The following SUSD6 variants were observed in gnomAD, a reference collection of about 807,000 sequenced individuals.
The protein encoded by SUSD6 is sushi domain-containing protein 6.
In SUSD6, 16 loss-of-function variants were observed where a neutral mutation model predicts 28.4. The ratio of observed to expected loss-of-function variants is 0.56; its 90% CI spans 0.38 to 0.86. The LOEUF (loss-of-function observed/expected upper bound fraction) is 0.86. Among genes scored for constraint, SUSD6 ranks in the 40% least tolerant of loss-of-function variants. The probability of loss-of-function intolerance (pLI) is 0.00; values close to 1 mark genes in which losing one functional copy is unlikely to be tolerated. For synonymous variants in SUSD6, 147 were observed against 159.6 expected (o/e 0.92, Z 0.59); for missense variants, 341 against 384.2 (o/e 0.89, Z 0.94).
At position 69,658,524 on chromosome 14, in the gene SUSD6, C is replaced by G. The variant is rs188576160; in HGVS notation, c.-69C>G. ...TTTGTTTGTTACAGGTGAATCAGCTCCCGGCCGACTTTAGGATTCTTCTGG... is the reference window on the plus strand; with the variant it reads ...TTTGTTTGTTACAGGTGAATCAGCTGCCGGCCGACTTTAGGATTCTTCTGG... On this transcript the variant is annotated 5_prime_UTR_variant, in exon 2 of 6. Transcript: ENST00000342745. 2,667 of 1,551,374 alleles carry G rather than the reference C, an allele frequency of 1.7e-3. 6 individuals are homozygous for G. Among genetic ancestry groups the G allele is most frequent in the Admixed American group, 5.8e-3 (323 of 55,878 alleles).
intron 4 of SUSD6, among the ~76,000 whole-genome samples, chr14:69,707,785 G>A (rs995377742): frequency 1.3e-5 from 2 of 152,112 alleles, no homozygotes; most frequent in African/African-American, 2.4e-5. Context: ...AAAAATATAT[G>A]CAAAACTAAA....
intron 4 of SUSD6, among the ~76,000 whole-genome samples, chr14:69,706,196 T>C (rs1886384603): frequency 6.6e-6 from 1 of 152,230 alleles, no homozygotes; most frequent in African/African-American, 2.4e-5. Context: ...GGGGATTGTT[T>C]ACTTGAAATG....
chr14:69,618,253 C>G (rs1252741129), intron 1 of SUSD6, among the ~76,000 whole-genome samples: 1 of 152,186 alleles, frequency 6.6e-6, no homozygotes, highest in African/African-American at 2.4e-5. Flanking sequence ...TACCTTCAGT[C>G]TATGTGTATT....
At chr14:69,612,731 T>A (rs1265443952) in intron 1 of SUSD6, among the ~76,000 whole-genome samples, 2 of 152,212 alleles carry the variant, frequency 1.3e-5, no homozygotes, top group Non-Finnish European at 2.9e-5. Flanking sequence ...GGCGACATGC[T>A]GGGCTTTGTT....
intron 2 of SUSD6, among the ~76,000 whole-genome samples, chr14:69,679,662 G>C (rs1245711569): frequency 1.3e-5 from 2 of 151,424 alleles, no homozygotes; most frequent in Admixed American, 1.3e-4. Context: ...CTTTCAATGT[G>C]GCCCAGGGAA....
chr14:69,688,806 G>A (rs1886112335), intron 2 of SUSD6, among the ~76,000 whole-genome samples: 1 of 152,162 alleles, frequency 6.6e-6, no homozygotes, highest in Non-Finnish European at 1.5e-5. Flanking sequence ...GTACTATTTA[G>A]CAGGCTTTCA....
At chr14:69,626,319 C>T (rs1204231766) in intron 1 of SUSD6, among the ~76,000 whole-genome samples, 1 of 152,120 alleles carries the variant, frequency 6.6e-6, no homozygotes, top group African/African-American at 2.4e-5. Flanking sequence ...CTGCTCTCTT[C>T]CTGCTGCACA....
intron 1 of SUSD6, among the ~76,000 whole-genome samples, chr14:69,622,168 G>A (rs1433507269): frequency 2.6e-5 from 4 of 151,936 alleles, no homozygotes; most frequent in Admixed American, 1.3e-4. Context: ...TGGCTTTTTT[G>A]TTTGTTTGTT....
At chr14:69,632,289 T>C (rs893176157) in intron 1 of SUSD6, among the ~76,000 whole-genome samples, 1 of 152,096 alleles carries the variant, frequency 6.6e-6, no homozygotes, top group African/African-American at 2.4e-5. Context: ...GGGGTCAGGC[T>C]TCAGAGGGAG....
chr14:69,697,011 A>G (rs1566606237), intron 2 of SUSD6, among the ~76,000 whole-genome samples: 1 of 152,216 alleles, frequency 6.6e-6, no homozygotes, highest in Non-Finnish European at 1.5e-5. Context: ...TCTTGATTAT[A>G]TGCTAAACAA....
chr14:69,636,599 C>T (rs1352767442), intron 1 of SUSD6, among the ~76,000 whole-genome samples: 1 of 152,242 alleles, frequency 6.6e-6, no homozygotes, highest in Non-Finnish European at 1.5e-5. Flanking sequence ...CAGAGCCTAT[C>T]TCCGGTACTG....
chr14:69,715,112 T>C lies in SUSD6; in HGVS notation c.*4133T>C, dbSNP rs193051007. 5 of 152,324 alleles carry C rather than the reference T, an allele frequency of 3.3e-5. No homozygotes were observed. In the East Asian group the frequency reaches 9.6e-4, roughly 29 times the overall value. 9.4% of individuals were successfully genotyped at this position (152,324 alleles called of 1,614,324 possible). ...TGTTCTATGTATATAACTGCATTTC[T>C]AAATAATTAAAAAAAAGTTCTTATG... is the stretch of plus-strand genomic sequence containing the variant. On this transcript the variant is annotated 3_prime_UTR_variant, in exon 6 of 6. Transcript: ENST00000342745.
intron 5 of SUSD6, among the ~76,000 whole-genome samples, chr14:69,709,619 T>C (rs1886435047): frequency 6.6e-6 from 1 of 152,244 alleles, no homozygotes; most frequent in Non-Finnish European, 1.5e-5. Flanking sequence ...ATCCCCATTT[T>C]ACAGCTGAGG....
intron 1 of SUSD6, among the ~76,000 whole-genome samples, chr14:69,649,148 A>G (rs1486849704): frequency 6.6e-6 from 1 of 152,218 alleles, no homozygotes; most frequent in Non-Finnish European, 1.5e-5. Flanking sequence ...ATATAGATAA[A>G]CATAATTCCT....
chr14:69,710,350 G>C (rs906816374), intron 5 of SUSD6, among the ~76,000 whole-genome samples: 1 of 152,222 alleles, frequency 6.6e-6, no homozygotes, highest in African/African-American at 2.4e-5. Flanking sequence ...CTATCTTCCT[G>C]CATGGAGTAT....
intron 1 of SUSD6, among the ~76,000 whole-genome samples, 192 bp downstream of exon 1, chr14:69,612,020 G>T (rs1473561532): frequency 6.7e-6 from 1 of 149,070 alleles, no homozygotes; most frequent in Non-Finnish European, 1.5e-5. Flanking sequence ...CCGCGCCGCT[G>T]GGAGCCCCGC....
rs939513619 is a variant in SUSD6, at chr14:69,711,134, C to T, written c.*155C>T. On this transcript the variant is annotated 3_prime_UTR_variant, in exon 6 of 6. Transcript: ENST00000342745. ...ATCTCTGAGGGCCCTATAGGCCCAC[C>T]TTGCTGGAAACTCAAGGAAGATTCT... is the stretch of plus-strand genomic sequence containing the variant. 2.9e-6 allele frequency: 2 copies of T among 685,806 alleles called. No homozygotes were observed. The highest frequency in any genetic ancestry group is 5.1e-6 in the Non-Finnish European group (2 of 395,874). 42.5% of individuals were successfully genotyped at this position (685,806 alleles called of 1,614,324 possible).
intron 1 of SUSD6, among the ~76,000 whole-genome samples, chr14:69,656,912 A>G (rs1358956822): frequency 6.6e-6 from 1 of 152,234 alleles, no homozygotes; most frequent in Non-Finnish European, 1.5e-5. Flanking sequence ...AGACCTCTGC[A>G]TGAACCATCC....
At chr14:69,687,616 G>C (rs966142022) in intron 2 of SUSD6, among the ~76,000 whole-genome samples, 1 of 152,190 alleles carries the variant, frequency 6.6e-6, no homozygotes, top group East Asian at 1.9e-4. Context: ...TTATGTATGT[G>C]CTTTAAACGA....
Sources: allele counts gnomAD v4.1 joint callset (sites outside exome capture counted in the v4.1 genomes callset), GRCh38; gene constraint gnomAD v4.1.1; transcripts MANE v1.5; gene names NCBI Gene and HGNC (gene_info 2026-07-23, HGNC 2026-07-21).